FRYL: variants seen among roughly 807,000 people sequenced by gnomAD.
FRYL encodes FRY like transcription coactivator.
A neutral mutation model predicts 351.2 loss-of-function variants in FRYL; 150 were observed. That is an observed-to-expected ratio of 0.43 (90% CI 0.37 to 0.49). The LOEUF (loss-of-function observed/expected upper bound fraction) is 0.49. Ranked by LOEUF, FRYL falls within the 20% of genes least tolerant of loss-of-function variation. The pLI, the probability that FRYL is intolerant of heterozygous loss-of-function variation, is 0.00. For missense variants in FRYL, 3,036 were observed against 3,619.3 expected (o/e 0.84, Z 4.13); for synonymous variants, 1,153 against 1,257.1 (o/e 0.92, Z 1.75).
At chr4:48,758,107 A>C (rs1773992504) in intron 1 of FRYL, among the ~76,000 whole-genome samples, 1 of 152,250 alleles carries the variant, frequency 6.6e-6, no homozygotes, top group African/African-American at 2.4e-5. Flanking sequence ...AAAGACTTAA[A>C]TGGCAGACCT....
chr4:48,618,586 T>TAAA (rs11293295), intron 7 of FRYL: 1 of 118,254 alleles, frequency 8.5e-6, no homozygotes, highest in Non-Finnish European at 1.8e-5. Context: ...CCATGATCTT[T>TAAA]AAAAAAAAAA....
At chr4:48,609,696 C>T (rs1316712587) in intron 8 of FRYL, 48 bp downstream of exon 8, 2 of 874,260 alleles carry the variant, frequency 2.3e-6, no homozygotes, top group Non-Finnish European at 3.7e-6. Flanking sequence ...ATAGTCTAGA[C>T]CTGGATTGCA....
At chr4:48,645,270 C>T (rs1280685649) in intron 3 of FRYL, among the ~76,000 whole-genome samples, 1 of 151,434 alleles carries the variant, frequency 6.6e-6, no homozygotes, top group African/African-American at 2.4e-5. Context: ...AAGTACAGCG[C>T]TGTGGAGAAG....
intron 35 of FRYL, among the ~76,000 whole-genome samples, chr4:48,555,333 T>G (rs1461237212): frequency 6.6e-6 from 1 of 152,232 alleles, no homozygotes; most frequent in African/African-American, 2.4e-5. Context: ...ACTACCATTC[T>G]TAAGGAGCCT....
chr4:48,570,877 T>C lies in FRYL; in HGVS notation c.2946A>G (p.Gln982=), dbSNP rs1378972561. ...CCAGCAGTTCAAATATTCGTACCAG[T>C]TGTACTCGTAAAATGTCTCGACGCC... is the stretch of plus-strand genomic sequence containing the variant. The part of the protein sequence containing the change: ...RRRRRDILRV[Q]LVRIFELLAD... The change falls in exon 27 of 64, where the codon CAA becomes CAG. Residue 982 remains glutamine, a synonymous_variant. Transcript: ENST00000358350. 1.9e-6 allele frequency: 3 copies of C among 1,613,990 alleles called. 1 individual carries two copies. In the South Asian group the frequency reaches 3.3e-5, roughly 18 times the overall value.
rs142315283 is a variant in FRYL, at chr4:48,746,889, T to C, written c.-384+33189A>G. On this transcript the variant is annotated intron_variant, in intron 1 of 63. Transcript: ENST00000358350. Reference sequence around the variant, plus strand: ...TGAATGAAGACCCCAGCCCAAGCCATAGTCTGACTGTAGCTTTGCAAGACA... The same window carrying C: ...TGAATGAAGACCCCAGCCCAAGCCACAGTCTGACTGTAGCTTTGCAAGACA... 9.4e-3 allele frequency among the ~76,000 whole-genome samples: 1,426 copies of C among 152,302 alleles called. 15 individuals are homozygous for C. The highest frequency in any genetic ancestry group is 0.024 in the Middle Eastern group (7 of 294).
chr4:48,548,462 G>T (rs977344658), intron 40 of FRYL, among the ~76,000 whole-genome samples: 1 of 152,100 alleles, frequency 6.6e-6, no homozygotes, highest in African/African-American at 2.4e-5. Context: ...GGCAGGCGAG[G>T]CCATAAGATA....
chr4:48,592,919 AAAAT>A (rs1449606352), intron 16 of FRYL, among the ~76,000 whole-genome samples: 12 of 152,348 alleles, frequency 7.9e-5, no homozygotes, highest in African/African-American at 2.9e-4. Flanking sequence ...ATAGTAATTT[AAAAT>A]AAATAAGAAA....
chr4:48,528,080 G>A (rs772942939), intron 51 of FRYL, 35 bp from the exon 52 acceptor site: 3 of 1,553,848 alleles, frequency 1.9e-6, no homozygotes, highest in African/African-American at 2.8e-5. Context: ...TGTTAGGACT[G>A]CTGATAAAAT....
At chr4:48,632,738 T>C (rs1214170653) in intron 4 of FRYL, among the ~76,000 whole-genome samples, 1 of 152,148 alleles carries the variant, frequency 6.6e-6, no homozygotes, top group Non-Finnish European at 1.5e-5. Context: ...CCGGAACATA[T>C]TATTTCATAG....
chr4:48,758,103 T>G (rs1204905428), intron 1 of FRYL, among the ~76,000 whole-genome samples: 2 of 152,234 alleles, frequency 1.3e-5, no homozygotes, highest in East Asian at 3.8e-4. Flanking sequence ...GATTAAAGAC[T>G]TAAATGGCAG....
intron 11 of FRYL, among the ~76,000 whole-genome samples, chr4:48,603,991 T>C (rs963008095): frequency 2.0e-5 from 3 of 152,194 alleles, no homozygotes; most frequent in Non-Finnish European, 4.4e-5. Context: ...ATACTCTTTT[T>C]AAAATTTCAA....
intron 2 of FRYL, among the ~76,000 whole-genome samples, chr4:48,708,571 G>A (rs1334371554): frequency 2.0e-5 from 3 of 152,126 alleles, no homozygotes; most frequent in East Asian, 1.9e-4. Flanking sequence ...GTATATATCC[G>A]CAAGGTTATG....
At chr4:48,678,826 T>C (rs1338718167) in intron 3 of FRYL, among the ~76,000 whole-genome samples, 2 of 152,086 alleles carry the variant, frequency 1.3e-5, no homozygotes, top group African/African-American at 4.8e-5. Flanking sequence ...TAAAAACATA[T>C]ATACCATAGG....
At position 48,720,318 on chromosome 4, in the gene FRYL, A is replaced by C. The variant is rs529275095; in HGVS notation, c.-383-9620T>G. ...CAAGACTAGCCTGGCCAACATGACA[A>C]AACCCGGTCTCTACTAAAAATACAA... On this transcript the variant is annotated intron_variant, in intron 1 of 63. Coordinates refer to ENST00000358350, the MANE Select transcript of FRYL (RefSeq NM_015030.2). 5.9e-5 allele frequency among the ~76,000 whole-genome samples: 9 copies of C among 151,562 alleles called. No individual in the cohort carries two copies. The East Asian group carries it at 1.8e-3, about 30-fold the overall frequency.
chr4:48,565,854 C>G (rs1172368003), intron 28 of FRYL, among the ~76,000 whole-genome samples, 163 bp from the exon 29 acceptor site: 1 of 152,126 alleles, frequency 6.6e-6, no homozygotes, highest in African/African-American at 2.4e-5. Context: ...TATATATATG[C>G]AAATCACAGA....
intron 56 of FRYL, among the ~76,000 whole-genome samples, chr4:48,513,040 C>T (rs1208813993): frequency 6.6e-6 from 1 of 152,086 alleles, no homozygotes; most frequent in African/African-American, 2.4e-5. Context: ...ATTTGAACAG[C>T]CTCACATTGG....
Position 48,531,195 on chromosome 4 carries a change from C to A in FRYL, c.6864G>T (p.Leu2288Phe). Residue 2288 changes from leucine to phenylalanine, a missense_variant, in exon 50 of 64, where the codon TTG (leucine) becomes TTT (phenylalanine). Leu to Phe is a conservative substitution (Grantham distance 22, BLOSUM62 0). This residue lies in a region of FRYL where 1,987 missense variants were observed against 2,311.7 expected (regional missense o/e 0.86). Transcript: ENST00000358350. ...TKIFNNVSKE[L>F]PGKTLDFHFD... is the part of the protein sequence containing the mutation. ...AATGAAAATCTAAGGTCTTCCCAGG[C>A]AACTCCTTAGAAACATTATTAAAAA... 6.2e-7 allele frequency: 1 copy of A among 1,610,828 alleles called. No individual in the cohort carries two copies. Among genetic ancestry groups the A allele is most frequent in the Non-Finnish European group, 8.5e-7 (1 of 1,177,146 alleles).
rs959194348 is a variant in FRYL at position 48,570,770 on chromosome 4, G to C, written c.2996+57C>G. On this transcript the variant is annotated intron_variant, in intron 27 of 63. Transcript: ENST00000358350. Reference sequence around the variant, plus strand: ...TTTTTATACATTTCATGAGCGAAAAGAGATTACGTTCTCTAGGATCATTCC... The same window carrying C: ...TTTTTATACATTTCATGAGCGAAAACAGATTACGTTCTCTAGGATCATTCC... The C allele has an allele frequency of 3.1e-5, 39 of 1,264,100 alleles. No individual in the cohort carries two copies. The African/African-American group carries it at 5.1e-4, about 17-fold the overall frequency. 78.3% of individuals were successfully genotyped at this position (1,264,100 alleles called of 1,614,324 possible).
Sources: gnomAD v4.1 joint callset for allele counts (sites outside exome capture counted in the v4.1 genomes callset) on GRCh38, gnomAD v4.1.1 for gene constraint, gnomAD v4.1.1 regional missense constraint, MANE v1.5 for transcripts, NCBI Gene and HGNC (gene_info 2026-07-23, HGNC 2026-07-21) for gene names.